TSC22D2: variants seen among roughly 807,000 people sequenced by gnomAD.
The protein encoded by TSC22D2 is TSC22 domain family member 2, also known as TSC22 domain family protein 2.
TSC22D2 carries 5 observed loss-of-function variants against 50.1 expected under a neutral mutation model. The ratio of observed to expected loss-of-function variants is 0.10; its 90% confidence interval spans 0.05 to 0.21. TSC22D2 has a LOEUF of 0.21. Among genes scored for constraint, TSC22D2 ranks in the 10% least tolerant of loss-of-function variants. The pLI is 1.00. For missense variants in TSC22D2, 1,003 were observed against 1,015.5 expected, an observed-to-expected ratio of 0.99 and a Z score of 0.17; for synonymous variants, 501 against 450.1, an observed-to-expected ratio of 1.11 and a Z score of -1.43.
rs1162760877 is a variant in TSC22D2 at position 150,414,723 on chromosome 3, C to T, written c.1958+3415C>T. Among the ~76,000 whole-genome samples, 7 of 151,928 alleles carry T rather than the reference C, an allele frequency of 4.6e-5. No individual in the cohort carries two copies. The South Asian group carries it at 6.2e-4, about 14-fold the overall frequency. ...ATTTATATATATTTTAAACCAAATT[C>T]TGCTGCTTTTTTTACTTGAAGTTTA... is the stretch of plus-strand genomic sequence containing the variant. On this transcript the variant is annotated intron_variant, in intron 1 of 2. Transcript: ENST00000688009.
In TSC22D2 at chr3:150,414,597, T is replaced by A. The variant is rs577727201; in HGVS notation, c.1958+3289T>A. Among the ~76,000 whole-genome samples the A allele has an allele frequency of 2.6e-5, 4 of 152,340 alleles. No homozygotes were observed. In the South Asian group the frequency reaches 8.3e-4, roughly 32 times the overall value. ...TATTTCTATGTCTTGTTAATGGTTT[T>A]ATTTGTGTGGTTTGCTAATGATCAC... On this transcript the variant is annotated intron_variant, in intron 1 of 2. Transcript: ENST00000688009.
intron 1 of TSC22D2, among the ~76,000 whole-genome samples, chr3:150,434,845 C>T (rs931299646): frequency 7.3e-6 from 1 of 137,312 alleles, no homozygotes; most frequent in Non-Finnish European, 1.6e-5. Flanking sequence ...TGTACATATG[C>T]TTATATATGT....
chr3:150,439,354 T>C (rs774041534), intron 1 of TSC22D2, among the ~76,000 whole-genome samples: 19 of 152,210 alleles, frequency 1.2e-4, no homozygotes, highest in Non-Finnish European at 2.5e-4. Context: ...CTAAATTGTT[T>C]CTGATATAGT....
intron 1 of TSC22D2, among the ~76,000 whole-genome samples, chr3:150,431,173 C>T (rs1277847772): frequency 1.5e-5 from 2 of 130,514 alleles, no homozygotes; most frequent in African/African-American, 3.0e-5. Context: ...TGCAGTGAGC[C>T]GAGATCGCGC....
At chr3:150,411,359 G>A in intron 1 of TSC22D2, 51 bp downstream of exon 1, 1 of 1,522,946 alleles carries the variant, frequency 6.6e-7, no homozygotes, top group Non-Finnish European at 8.8e-7. Context: ...GGCCAACATT[G>A]TAGCTTAGGA....
chr3:150,433,881 C>T (rs1720452837), intron 1 of TSC22D2, among the ~76,000 whole-genome samples: 1 of 152,090 alleles, frequency 6.6e-6, no homozygotes, highest in Admixed American at 6.5e-5. Context: ...TTGAGTCCAG[C>T]CTGGGCAACA....
chr3:150,436,809 C>G (rs1347333258), intron 1 of TSC22D2, among the ~76,000 whole-genome samples: 1 of 152,174 alleles, frequency 6.6e-6, no homozygotes, highest in African/African-American at 2.4e-5. Flanking sequence ...GTTTTTCAGA[C>G]TACGTGAGAG....
intron 1 of TSC22D2, among the ~76,000 whole-genome samples, chr3:150,454,560 A>T (rs1377686119): frequency 6.6e-6 from 1 of 152,180 alleles, no homozygotes; most frequent in African/African-American, 2.4e-5. Flanking sequence ...TCCTGGTTCC[A>T]TGCCTACTGA....
chr3:150,445,170 G>C (rs1461514888), intron 1 of TSC22D2, among the ~76,000 whole-genome samples: 1 of 151,780 alleles, frequency 6.6e-6, no homozygotes, highest in Non-Finnish European at 1.5e-5. Context: ...CCGTAAGAAT[G>C]TTATTAATGT....
chr3:150,458,528 C>G lies in TSC22D2; in HGVS notation c.2163C>G (p.Leu721=). The change falls in exon 3 of 3, where the codon CTC becomes CTG. Residue 721 remains leucine (L), a synonymous_variant. Coordinates refer to ENST00000688009, the MANE Select transcript of TSC22D2 (RefSeq NM_001303264.2). ...SLSSNDQLSQ[L]PTQQANPGST... ...CAAGCAATGATCAATTATCCCAACT[C>G]CCAACCCAACAGGCCAATCCTGGTA... The G allele has an allele frequency of 1.2e-6, 2 of 1,614,176 alleles. No individual in the cohort carries two copies. The highest frequency in any genetic ancestry group is 2.2e-5 in the South Asian group (2 of 91,076).
At chr3:150,421,712 A>G (rs970427610) in intron 1 of TSC22D2, among the ~76,000 whole-genome samples, 2 of 152,078 alleles carry the variant, frequency 1.3e-5, no homozygotes, top group African/African-American at 4.8e-5. Context: ...ATAATTCTGC[A>G]CAGACTTTAA....
chr3:150,452,688 AT>A (rs1456387516), intron 1 of TSC22D2, among the ~76,000 whole-genome samples: 1 of 152,184 alleles, frequency 6.6e-6, no homozygotes, highest in Non-Finnish European at 1.5e-5. Flanking sequence ...ACTCTGAGTT[AT>A]ACTTTTTCTG....
chr3:150,466,011 A>G lies in TSC22D2; in HGVS notation c.*7375A>G, dbSNP rs1361426861. ...GTAATACTATGAAATTGGAAAAACC[A>G]AAATACTCATCAAGAGGATGGACTA... On this transcript the variant is annotated 3_prime_UTR_variant, in exon 3 of 3. Coordinates refer to ENST00000688009, the MANE Select transcript of TSC22D2 (RefSeq NM_001303264.2). The G allele has an allele frequency of 1.3e-5, 2 of 152,232 alleles. No individual in the cohort carries two copies. The highest frequency in any genetic ancestry group is 2.9e-5 in the Non-Finnish European group (2 of 68,040). 9.4% of individuals were successfully genotyped at this position (152,232 alleles called of 1,614,324 possible).
intron 1 of TSC22D2, among the ~76,000 whole-genome samples, chr3:150,412,569 ATCT>A (rs1168052995): frequency 1.3e-5 from 2 of 152,146 alleles, no homozygotes; most frequent in African/African-American, 2.4e-5. Context: ...AAATTCATTC[ATCT>A]TCTCTGCTTT....
At chr3:150,411,552 A>T (rs965583901) in intron 1 of TSC22D2, among the ~76,000 whole-genome samples, 1 of 152,234 alleles carries the variant, frequency 6.6e-6, no homozygotes, top group African/African-American at 2.4e-5. Flanking sequence ...TTTACTCAAA[A>T]AAAGGTGAAT....
intron 1 of TSC22D2, among the ~76,000 whole-genome samples, chr3:150,434,028 T>C (rs1013279585): frequency 2.6e-5 from 4 of 152,180 alleles, no homozygotes; most frequent in African/African-American, 9.7e-5. Flanking sequence ...GGAGCCGAGA[T>C]TGCACCACTG....
At chr3:150,411,374 A>C in intron 1 of TSC22D2, 66 bp downstream of exon 1, 2 of 1,429,692 alleles carry the variant, frequency 1.4e-6, no homozygotes, top group African/African-American at 2.0e-5. Flanking sequence ...TTAGGATGCA[A>C]CTTTGGGAGA....
rs186385772 is a variant in TSC22D2 at position 150,429,254 on chromosome 3, G to A, written c.1958+17946G>A. ...TTTGGAAATGAGAATTGCCATAGGA[G>A]TGGTGGTAAATGAAGCCCCACAAAT... is the stretch of plus-strand genomic sequence containing the variant. On this transcript the variant is annotated intron_variant, in intron 1 of 2. Transcript: ENST00000688009. Among the ~76,000 whole-genome samples the A allele has an allele frequency of 2.6e-5, 4 of 152,214 alleles. No individual in the cohort carries two copies. In the East Asian group the frequency reaches 7.7e-4, roughly 29 times the overall value.
intron 1 of TSC22D2, among the ~76,000 whole-genome samples, chr3:150,440,508 C>A (rs911676411): frequency 4.6e-5 from 7 of 151,494 alleles, no homozygotes; most frequent in African/African-American, 1.7e-4. Flanking sequence ...TTAAGGAACT[C>A]ACCCTTTAAT....
Sources: allele counts gnomAD v4.1 joint callset (sites outside exome capture counted in the v4.1 genomes callset), GRCh38; gene constraint gnomAD v4.1.1; transcripts MANE v1.5; gene names NCBI Gene and HGNC (gene_info 2026-07-23, HGNC 2026-07-21).